HIVEP1: variants seen among roughly 807,000 people sequenced by gnomAD.
The protein encoded by HIVEP1 is HIVEP zinc finger 1.
A neutral mutation model predicts 180.0 loss-of-function variants in HIVEP1; 36 were observed. The observed-to-expected ratio is 0.20, with a 90% CI of 0.15 to 0.26. The LOEUF (loss-of-function observed/expected upper bound fraction) is 0.26, where lower values mean the gene tolerates loss of function less well. Ranked by LOEUF, HIVEP1 falls within the 10% of genes least tolerant of loss-of-function variation. The pLI is 1.00. For synonymous variants in HIVEP1, 1,239 were observed against 1,239.0 expected (o/e 1.00, Z 0.00); for missense variants, 3,143 against 3,268.7 (o/e 0.96, Z 0.94).
chr6:12,042,740 C>G (rs1019654069), intron 2 of HIVEP1, among the ~76,000 whole-genome samples: 6 of 151,886 alleles, frequency 4.0e-5, no homozygotes, highest in African/African-American at 1.5e-4. Context: ...TTTATTGATT[C>G]CAAAATATGT....
Position 12,135,848 on chromosome 6 carries a change from G to A in HIVEP1, c.6443G>A (p.Gly2148Asp). The change falls in exon 7 of 9, where the codon GGC (glycine) becomes GAC (aspartate). Residue 2148 changes from glycine (G) to aspartate (D), a missense_variant. Gly to Asp is a moderately conservative substitution (Grantham distance 94). This residue lies in a region of HIVEP1 where 126 missense variants were observed against 168.5 expected (regional missense o/e 0.75). Coordinates refer to ENST00000379388, the MANE Select transcript of HIVEP1 (RefSeq NM_002114.4). ...CATAGCAAGAAATGTGTGGATTTAG[G>A]CGTCTCAGTAGGTTTAATAGATGAA... ...KAHSKKCVDL[G>D]VSVGLIDEQD... 6.2e-7 allele frequency: 1 copy of A among 1,612,664 alleles called. No individual in the cohort carries two copies. The highest frequency in any genetic ancestry group is 8.5e-7 in the Non-Finnish European group (1 of 1,178,876).
chr6:12,089,381 GTTGTGGAC>G (rs1773312534), intron 3 of HIVEP1, 144 bp downstream of exon 3: 1 of 513,342 alleles, frequency 1.9e-6, no homozygotes. Flanking sequence ...TACTTAAAAT[GTTGTGGAC>G]TTTGCTTCAT....
At chr6:12,184,584 C>T in the HIVEP1 span, among the ~76,000 whole-genome samples, 1 of 152,152 alleles carries the variant, frequency 6.6e-6, no homozygotes, top group Non-Finnish European at 1.5e-5. Context: ...AGCTATTGAT[C>T]GTTTCTTCCA....
chr6:12,172,834 A>T, the HIVEP1 span, among the ~76,000 whole-genome samples: 1 of 148,752 alleles, frequency 6.7e-6, no homozygotes, highest in Non-Finnish European at 1.5e-5. Flanking sequence ...TTCAGTAATG[A>T]TTTATGATAA....
chr6:12,208,388 G>A, the HIVEP1 span, among the ~76,000 whole-genome samples: 1 of 152,162 alleles, frequency 6.6e-6, no homozygotes, highest in African/African-American at 2.4e-5. Context: ...AATTCCCATA[G>A]AAGGGAAGTG....
At chr6:12,131,803 A>AAATT (rs1247163935) in intron 6 of HIVEP1, among the ~76,000 whole-genome samples, 3 of 148,974 alleles carry the variant, frequency 2.0e-5, no homozygotes, top group African/African-American at 4.9e-5. Flanking sequence ...AAAAAAAAAA[A>AAATT]AATTAATTGA....
chr6:12,080,312 A>G (rs12176308), intron 2 of HIVEP1, among the ~76,000 whole-genome samples: 11,163 of 152,200 alleles, frequency 0.073, 569 homozygotes, highest in African/African-American at 0.14. Flanking sequence ...GTGCTCAACC[A>G]TAAAAGACAG....
At chr6:12,029,833 A>C (rs1768823857) in intron 2 of HIVEP1, among the ~76,000 whole-genome samples, 2 of 152,190 alleles carry the variant, frequency 1.3e-5, no homozygotes, top group Admixed American at 1.3e-4. Context: ...TTAAGAGAAG[A>C]AATGAGAAAC....
the HIVEP1 span, among the ~76,000 whole-genome samples, chr6:12,176,629 G>T: frequency 6.6e-6 from 1 of 152,252 alleles, no homozygotes; most frequent in South Asian, 2.1e-4. Context: ...TGAAGAAAGC[G>T]ATGTCCAAAG....
intron 7 of HIVEP1, among the ~76,000 whole-genome samples, chr6:12,152,417 G>T (rs1281524302): frequency 2.0e-5 from 3 of 151,978 alleles, no homozygotes; most frequent in Non-Finnish European, 1.5e-5. Flanking sequence ...GGGGGCAGGG[G>T]CAGAGGTTAA....
chr6:12,178,453 T>C, the HIVEP1 span, among the ~76,000 whole-genome samples: 2 of 152,184 alleles, frequency 1.3e-5, no homozygotes, highest in Non-Finnish European at 2.9e-5. Context: ...TGTAAAAATA[T>C]GCAATTCATA....
At chr6:12,167,581 C>CATGTTATATTACATGTATATATACAT (rs55679474), downstream of HIVEP1, among the ~76,000 whole-genome samples, 4,038 of 64,854 alleles carry the variant, frequency 0.062, 1,152 homozygotes, top group South Asian at 0.089. Context: ...GTTATATATA[C>CATGTTATATTACATGTATATATACAT]GTTATATTAC....
chr6:12,154,331 C>A (rs1323342137), intron 7 of HIVEP1, among the ~76,000 whole-genome samples: 1 of 152,156 alleles, frequency 6.6e-6, no homozygotes, highest in Non-Finnish European at 1.5e-5. Flanking sequence ...TTACGTGCAG[C>A]GTGTGCCATT....
chr6:12,044,894 C>T (rs375831829), intron 2 of HIVEP1, among the ~76,000 whole-genome samples: 26 of 152,388 alleles, frequency 1.7e-4, no homozygotes, highest in African/African-American at 5.5e-4. Context: ...CCTTCCTTCT[C>T]CAAGCTGACT....
chr6:12,137,139 A>G (rs1758749673), intron 7 of HIVEP1, among the ~76,000 whole-genome samples: 1 of 152,236 alleles, frequency 6.6e-6, no homozygotes. Flanking sequence ...ATACAGAGCA[A>G]TTCAGTTGTA....
Position 12,158,553 on chromosome 6 carries a change from G to A in HIVEP1, c.6488-2886G>A, listed in dbSNP as rs577433370. 2.8e-3 allele frequency among the ~76,000 whole-genome samples: 433 copies of A among 152,282 alleles called. 2 individuals are homozygous for A. Among genetic ancestry groups the A allele is most frequent in the South Asian group, 0.014 (66 of 4,826 alleles). ...TCCTTAGCTTGACATTGTGGGGCAA[G>A]GAGGAGGATGGGGTGCTGTCTCTGT... On this transcript the variant is annotated intron_variant, in intron 7 of 8. Transcript: ENST00000379388.
At chr6:12,103,400 C>A (rs539250436) in intron 3 of HIVEP1, among the ~76,000 whole-genome samples, 3 of 152,144 alleles carry the variant, frequency 2.0e-5, no homozygotes, top group African/African-American at 7.2e-5. Flanking sequence ...AGAGCCAGAA[C>A]CTAGACCCTG....
At chr6:12,166,920 A>G (rs192848803), downstream of HIVEP1, among the ~76,000 whole-genome samples, 1 of 152,320 alleles carries the variant, frequency 6.6e-6, no homozygotes, top group Non-Finnish European at 1.5e-5. Flanking sequence ...AGTACTGGAA[A>G]AAACAGCTGA....
chr6:12,104,661 G>T (rs1188180534), intron 3 of HIVEP1, among the ~76,000 whole-genome samples: 1 of 151,810 alleles, frequency 6.6e-6, no homozygotes, highest in Non-Finnish European at 1.5e-5. Flanking sequence ...TGAACTTCTG[G>T]CCTCAAGCAA....
Sources: gnomAD v4.1 joint callset for allele counts (sites outside exome capture counted in the v4.1 genomes callset) on GRCh38, gnomAD v4.1.1 for gene constraint, gnomAD v4.1.1 regional missense constraint, MANE v1.5 for transcripts, NCBI Gene and HGNC (gene_info 2026-07-23, HGNC 2026-07-21) for gene names.